Variants in NKAIN2 observed in about 807,000 individuals in gnomAD.
The protein encoded by NKAIN2 is sodium/potassium transporting ATPase interacting 2.
NKAIN2 carries 14 observed loss-of-function variants against 32.6 expected under a neutral mutation model. The observed-to-expected ratio is 0.43, with a 90% CI of 0.28 to 0.67. NKAIN2 has a LOEUF of 0.67. NKAIN2 is among the 30% of genes least tolerant of loss of function. The probability of loss-of-function intolerance (pLI) is 0.17; values close to 1 mark genes in which losing one functional copy is unlikely to be tolerated. For synonymous variants in NKAIN2, 80 were observed against 87.2 expected (o/e 0.92, Z 0.46); for missense variants, 198 against 258.3 (o/e 0.77, Z 1.60).
rs1157607122 is a variant in NKAIN2 at position 124,647,496 on chromosome 6, C to CAAAAAAA, written c.274-10672_274-10666dup. On this transcript the variant is annotated intron_variant, in intron 3 of 6. Coordinates refer to ENST00000368417, the MANE Select transcript of NKAIN2 (RefSeq NM_001040214.3). ...CCTGGGCGACAGAGCGAGACTCTGT[C>CAAAAAAA]AAAAAAAAAAAAAAAAAAAAAAAAG... Among the ~76,000 whole-genome samples, 347 of 58,908 alleles carry CAAAAAAA rather than the reference C, an allele frequency of 5.9e-3. 32 individuals are homozygous for CAAAAAAA. The highest frequency in any genetic ancestry group is 0.02 in the African/African-American group (255 of 12,722). The allele number at this position is 58,908 out of a possible 152,430, so 38.6% of individuals were successfully genotyped here. A position where few individuals can be genotyped will look rare whatever the true frequency, so the allele number is the denominator to read the frequency against.
At chr6:123,896,326 T>C (rs1774277495) in intron 1 of NKAIN2, among the ~76,000 whole-genome samples, 1 of 152,196 alleles carries the variant, frequency 6.6e-6, no homozygotes, top group African/African-American at 2.4e-5. Flanking sequence ...TAAGGATATT[T>C]TCCATATTTG....
chr6:123,880,035 C>T (rs755154492), intron 1 of NKAIN2, among the ~76,000 whole-genome samples: 2 of 152,142 alleles, frequency 1.3e-5, no homozygotes, highest in African/African-American at 2.4e-5. Context: ...CAGTAGGAAA[C>T]AAGTTCAAAG....
At chr6:123,813,684 T>G (rs902416750) in intron 1 of NKAIN2, among the ~76,000 whole-genome samples, 7 of 152,026 alleles carry the variant, frequency 4.6e-5, no homozygotes, top group Non-Finnish European at 1.0e-4. Flanking sequence ...TGGTGTTGCG[T>G]GCCTGTAGTC....
intron 4 of NKAIN2, among the ~76,000 whole-genome samples, chr6:124,759,655 A>ACACACC (rs1562367638): frequency 9.4e-5 from 5 of 53,078 alleles, no homozygotes; most frequent in African/African-American, 2.3e-4. Flanking sequence ...ACACACACAC[A>ACACACC]CCCCCTATCT....
chr6:124,473,155 A>G (rs981816101), intron 3 of NKAIN2, among the ~76,000 whole-genome samples: 4 of 152,226 alleles, frequency 2.6e-5, no homozygotes, highest in African/African-American at 9.6e-5. Context: ...ACTAAAAAGG[A>G]CCAGGGATTA....
At chr6:123,992,028 G>A (rs1779435142) in intron 1 of NKAIN2, among the ~76,000 whole-genome samples, 1 of 152,052 alleles carries the variant, frequency 6.6e-6, no homozygotes, top group African/African-American at 2.4e-5. Context: ...GATATTTCTA[G>A]TGAGAAAGCA....
intron 3 of NKAIN2, among the ~76,000 whole-genome samples, chr6:124,433,225 G>A (rs1466994086): frequency 6.6e-6 from 1 of 152,128 alleles, no homozygotes; most frequent in Non-Finnish European, 1.5e-5. Flanking sequence ...CCACTTGCTT[G>A]TTAGAAAAAG....
At position 124,562,770 on chromosome 6, in the gene NKAIN2, A is replaced by C. The variant is rs544463406; in HGVS notation, c.274-95416A>C. Among the ~76,000 whole-genome samples, 38 of 152,316 alleles carry C rather than the reference A, an allele frequency of 2.5e-4. No individual in the cohort carries two copies. In the South Asian group the frequency reaches 7.5e-3, roughly 30 times the overall value. ...AGTCTCCTTACTCTGATTTAATAGAAGATAGCTCATTTGAATATCTACTTG... is the reference window on the plus strand; with the variant it reads ...AGTCTCCTTACTCTGATTTAATAGACGATAGCTCATTTGAATATCTACTTG... On this transcript the variant is annotated intron_variant, in intron 3 of 6. Transcript: ENST00000368417.
chr6:124,786,879 T>G (rs1350832772), intron 4 of NKAIN2, among the ~76,000 whole-genome samples: 3 of 152,146 alleles, frequency 2.0e-5, no homozygotes, highest in Non-Finnish European at 4.4e-5. Flanking sequence ...GATACTCATA[T>G]CTACTCTAAC....
intron 1 of NKAIN2, among the ~76,000 whole-genome samples, chr6:124,168,145 A>G (rs976790306): frequency 1.3e-5 from 2 of 152,140 alleles, no homozygotes; most frequent in African/African-American, 4.8e-5. Flanking sequence ...TTGGACATTT[A>G]ATTTTTTTAT....
chr6:124,366,613 G>A (rs1054278100), intron 3 of NKAIN2, among the ~76,000 whole-genome samples: 3 of 152,010 alleles, frequency 2.0e-5, no homozygotes, highest in South Asian at 2.1e-4. Flanking sequence ...TTGAGGATAC[G>A]TGTGATTGTC....
At chr6:124,472,247 T>G (rs895518242) in intron 3 of NKAIN2, among the ~76,000 whole-genome samples, 1 of 152,164 alleles carries the variant, frequency 6.6e-6, no homozygotes, top group Non-Finnish European at 1.5e-5. Flanking sequence ...GAAAAATATC[T>G]AAGTGGTTTT....
chr6:124,052,628 A>G (rs1482815799), intron 1 of NKAIN2, among the ~76,000 whole-genome samples: 1 of 152,116 alleles, frequency 6.6e-6, no homozygotes, highest in Non-Finnish European at 1.5e-5. Flanking sequence ...TATAAGCTTC[A>G]CAACAAAAGC....
intron 3 of NKAIN2, among the ~76,000 whole-genome samples, chr6:124,535,085 G>T (rs964504512): frequency 1.3e-5 from 2 of 152,250 alleles, no homozygotes; most frequent in African/African-American, 4.8e-5. Flanking sequence ...GCAAGAAAAA[G>T]TCTGTGCGCA....
chr6:124,410,390 C>G (rs1165547629), intron 3 of NKAIN2, among the ~76,000 whole-genome samples: 7 of 152,168 alleles, frequency 4.6e-5, no homozygotes, highest in African/African-American at 1.4e-4. Flanking sequence ...CTGGTATGTT[C>G]TGTCTTTGTT....
intron 1 of NKAIN2, among the ~76,000 whole-genome samples, chr6:123,854,534 A>G (rs1427375085): frequency 6.6e-6 from 1 of 152,228 alleles, no homozygotes; most frequent in Non-Finnish European, 1.5e-5. Context: ...GTTAAATAAT[A>G]CATTAATGCT....
chr6:124,404,496 C>G (rs1323121272), intron 3 of NKAIN2, among the ~76,000 whole-genome samples: 2 of 151,834 alleles, frequency 1.3e-5, no homozygotes, highest in Non-Finnish European at 2.9e-5. Flanking sequence ...TAATCCTTCC[C>G]TATGTTGTCA....
At chr6:124,567,756 C>T (rs1410298978) in intron 3 of NKAIN2, among the ~76,000 whole-genome samples, 7 of 152,148 alleles carry the variant, frequency 4.6e-5, no homozygotes, top group African/African-American at 1.7e-4. Flanking sequence ...ATATGTTGGG[C>T]TTTGCAGGCC....
At chr6:124,540,894 C>T (rs1779887417) in intron 3 of NKAIN2, among the ~76,000 whole-genome samples, 1 of 152,166 alleles carries the variant, frequency 6.6e-6, no homozygotes, top group South Asian at 2.1e-4. Flanking sequence ...GTAGGCTAGG[C>T]TAAACTATGG....
Sources: gnomAD v4.1 joint callset for allele counts (sites outside exome capture counted in the v4.1 genomes callset) on GRCh38, gnomAD v4.1.1 for gene constraint, MANE v1.5 for transcripts, NCBI Gene and HGNC (gene_info 2026-07-23, HGNC 2026-07-21) for gene names.